DOCK2: variants seen among roughly 807,000 people sequenced by gnomAD.
The protein encoded by DOCK2 is dedicator of cytokinesis protein 2.
DOCK2 carries 87 observed loss-of-function variants against 248.9 expected under a neutral mutation model. That is an observed-to-expected ratio of 0.35 (90% CI 0.29 to 0.42). DOCK2 has a LOEUF of 0.42. Among genes scored for constraint, DOCK2 ranks in the 10% least tolerant of loss-of-function variants. The pLI, the probability that DOCK2 is intolerant of heterozygous loss-of-function variation, is 1.00. For synonymous variants in DOCK2, 805 were observed against 821.6 expected (o/e 0.98, Z 0.35); for missense variants, 1,747 against 2,300.2 (o/e 0.76, Z 4.92).
chr5:169,833,554 A>T (rs537473696), intron 26 of DOCK2, among the ~76,000 whole-genome samples: 1 of 152,340 alleles, frequency 6.6e-6, no homozygotes, highest in African/African-American at 2.4e-5. Flanking sequence ...AAGGAGCTCA[A>T]ATAAGGAGGA....
At chr5:169,982,758 G>C (rs1777975497) in intron 27 of DOCK2, among the ~76,000 whole-genome samples, 1 of 152,200 alleles carries the variant, frequency 6.6e-6, no homozygotes, top group Non-Finnish European at 1.5e-5. Context: ...TGTCCCATTT[G>C]ACAGATGAGA....
At chr5:169,922,988 A>T (rs1775254492) in intron 27 of DOCK2, among the ~76,000 whole-genome samples, 1 of 152,232 alleles carries the variant, frequency 6.6e-6, no homozygotes. Context: ...AATTTCTCTT[A>T]TCGGTCCCAC....
At chr5:169,900,640 T>G (rs1290694689) in intron 27 of DOCK2, among the ~76,000 whole-genome samples, 2 of 152,180 alleles carry the variant, frequency 1.3e-5, no homozygotes, top group Admixed American at 6.5e-5. Context: ...TACTTCTAAT[T>G]AGAAGCTTCG....
intron 25 of DOCK2, among the ~76,000 whole-genome samples, chr5:169,788,299 G>A (rs1008410531): frequency 6.6e-6 from 1 of 152,110 alleles, no homozygotes; most frequent in East Asian, 1.9e-4. Context: ...TAGAGAAACG[G>A]AAGTGCCATG....
At chr5:169,836,393 AAGC>A (rs1435579210) in intron 26 of DOCK2, among the ~76,000 whole-genome samples, 2 of 152,108 alleles carry the variant, frequency 1.3e-5, no homozygotes, top group African/African-American at 4.8e-5. Context: ...AGTTTTAACA[AAGC>A]AGCAAACATC....
chr5:169,915,274 A>G (rs1404345348), intron 27 of DOCK2, among the ~76,000 whole-genome samples: 1 of 152,242 alleles, frequency 6.6e-6, no homozygotes, highest in Non-Finnish European at 1.5e-5. Flanking sequence ...AATGCTAATT[A>G]TTACCAGTTT....
At chr5:170,045,366 C>A (rs11951272) in intron 38 of DOCK2, among the ~76,000 whole-genome samples, 4,888 of 152,256 alleles carry the variant, frequency 0.032, 90 homozygotes, top group Middle Eastern at 0.11. Context: ...CAAAGGTTTC[C>A]TTCACTAAAC....
chr5:169,986,765 G>C (rs1778080130), intron 29 of DOCK2, among the ~76,000 whole-genome samples: 1 of 151,844 alleles, frequency 6.6e-6, no homozygotes. Flanking sequence ...GCTTTCCTTT[G>C]GCTTATTTTA....
chr5:170,035,227 G>C (rs374235288), intron 35 of DOCK2, among the ~76,000 whole-genome samples: 11 of 152,262 alleles, frequency 7.2e-5, no homozygotes, highest in Non-Finnish European at 1.3e-4. Context: ...CAGCCATAAT[G>C]CTTCATATTC....
At chr5:169,856,335 G>C (rs1368392697) in intron 27 of DOCK2, among the ~76,000 whole-genome samples, 1 of 152,214 alleles carries the variant, frequency 6.6e-6, no homozygotes, top group East Asian at 1.9e-4. Flanking sequence ...GGTAGTGTCT[G>C]CACTGCATTT....
Position 169,665,418 on chromosome 5 carries a change from A to G in DOCK2, c.128-3870A>G, listed in dbSNP as rs192650931. Among the ~76,000 whole-genome samples, 1,073 of 149,676 alleles carry G rather than the reference A, an allele frequency of 7.2e-3. 36 individuals carry two copies. The highest frequency in any genetic ancestry group is 0.047 in the Admixed American group (708 of 15,010). On this transcript the variant is annotated intron_variant, in intron 2 of 51. Coordinates refer to ENST00000520908, the MANE Select transcript of DOCK2 (RefSeq NM_004946.3). ...TGGGAGAACTTATATATGTGTGTGT[A>G]TATTTATATGTATATACACATGTTT...
At chr5:169,652,941 G>A (rs1174084389) in intron 1 of DOCK2, among the ~76,000 whole-genome samples, 5 of 152,178 alleles carry the variant, frequency 3.3e-5, no homozygotes, top group African/African-American at 9.7e-5. Flanking sequence ...CCTACGGTCC[G>A]TATCCTCAAA....
At chr5:169,778,115 A>C (rs148062895) in intron 25 of DOCK2, among the ~76,000 whole-genome samples, 1 of 152,206 alleles carries the variant, frequency 6.6e-6, no homozygotes, top group Non-Finnish European at 1.5e-5. Flanking sequence ...GTGCTCCTGG[A>C]TGGTGGGAAC....
rs70979150 is a variant in DOCK2, at chr5:169,961,978, C to CAAAAAA, written c.2800-21078_2800-21073dup. ...TGGGTGAAAAAGTGAGACTCTGTCC[C>CAAAAAA]AAAAAAAAAAAAAAAAATGGAGAAA... On this transcript the variant is annotated intron_variant, in intron 27 of 51. Transcript: ENST00000520908. Among the ~76,000 whole-genome samples, 15 of 74,636 alleles carry CAAAAAA rather than the reference C, an allele frequency of 2.0e-4. 2 individuals carry two copies. The highest frequency in any genetic ancestry group is 8.1e-4 in the African/African-American group (12 of 14,776). The allele number at this position is 74,636 out of a possible 152,430, so 49.0% of individuals were successfully genotyped here.
At chr5:169,842,045 A>G (rs1056897973) in intron 27 of DOCK2, among the ~76,000 whole-genome samples, 2 of 152,232 alleles carry the variant, frequency 1.3e-5, no homozygotes, top group Non-Finnish European at 2.9e-5. Context: ...ATTGGACCAT[A>G]TAGTTGCTAG....
intron 27 of DOCK2, among the ~76,000 whole-genome samples, chr5:169,900,223 A>G (rs1773845801): frequency 6.6e-6 from 1 of 152,190 alleles, no homozygotes; most frequent in African/African-American, 2.4e-5. Context: ...GTATTGTAGA[A>G]ATCCACCATC....
At chr5:169,643,987 T>C (rs544648112) in intron 1 of DOCK2, among the ~76,000 whole-genome samples, 1 of 152,134 alleles carries the variant, frequency 6.6e-6, no homozygotes, top group African/African-American at 2.4e-5. Context: ...GCGGTGGCAG[T>C]CAGGGAAGGA....
chr5:169,687,848 G>T (rs957474650), intron 8 of DOCK2, among the ~76,000 whole-genome samples: 3 of 152,132 alleles, frequency 2.0e-5, no homozygotes, highest in African/African-American at 4.8e-5. Flanking sequence ...AAAAATCCTT[G>T]AATGGCCTAT....
rs892448472 is a variant in DOCK2, at chr5:170,038,073, T to C, written c.3665+1518T>C. ...TTATAACATCACTAGTCATACCTTA[T>C]TGTAGCAGCACAAAGCTTTGGGGTC... On this transcript the variant is annotated intron_variant, in intron 36 of 51. Coordinates refer to ENST00000520908, the MANE Select transcript of DOCK2 (RefSeq NM_004946.3). Among the ~76,000 whole-genome samples the C allele has an allele frequency of 2.0e-5, 3 of 152,378 alleles. No individual in the cohort carries two copies. The East Asian group carries it at 5.8e-4, about 29-fold the overall frequency.
Sources: gnomAD v4.1 joint callset for allele counts (sites outside exome capture counted in the v4.1 genomes callset) on GRCh38, gnomAD v4.1.1 for gene constraint, MANE v1.5 for transcripts, NCBI Gene and HGNC (gene_info 2026-07-23, HGNC 2026-07-21) for gene names.